Variants in LIPC observed in about 807,000 individuals in gnomAD.
LIPC encodes lipase C, hepatic type, also known as hepatic triacylglycerol lipase.
Under a neutral mutation model 50.7 loss-of-function variants are expected in LIPC, and 44 were observed. The ratio of observed to expected loss-of-function variants is 0.87; its 90% CI spans 0.68 to 1.11. LIPC has a LOEUF of 1.11. LIPC is among the 50% of genes most tolerant of loss of function. LIPC has a pLI of 0.00. For missense variants in LIPC, 697 were observed against 648.2 expected (o/e 1.08, Z -0.82); for synonymous variants, 271 against 256.4 (o/e 1.06, Z -0.54).
intron 1 of LIPC, among the ~76,000 whole-genome samples, chr15:58,532,520 C>T (rs942890099): frequency 1.1e-4 from 17 of 152,274 alleles, no homozygotes; most frequent in African/African-American, 3.9e-4. Flanking sequence ...AGCAAAAGCC[C>T]CCCTACACAC....
At chr15:58,519,404 C>T (rs1243922958) in intron 1 of LIPC, among the ~76,000 whole-genome samples, 4 of 93,118 alleles carry the variant, frequency 4.3e-5, no homozygotes, top group Non-Finnish European at 6.5e-5. Context: ...CAGAGAGACT[C>T]TGTCTCAAAA....
intron 1 of LIPC, among the ~76,000 whole-genome samples, chr15:58,452,845 C>G (rs759838727): frequency 1.3e-5 from 2 of 152,166 alleles, no homozygotes; most frequent in Non-Finnish European, 2.9e-5. Context: ...CTGGGGGACA[C>G]AGAGGTCCTC....
chr15:58,555,031 C>T (rs1308380794), intron 6 of LIPC, among the ~76,000 whole-genome samples: 1 of 152,168 alleles, frequency 6.6e-6, no homozygotes, highest in African/African-American at 2.4e-5. Context: ...GTTCCATCCT[C>T]CTGCAGAGAT....
intron 1 of LIPC, chr15:58,521,227 A>G (rs1892642498): frequency 6.6e-6 from 1 of 152,252 alleles, no homozygotes; most frequent in Non-Finnish European, 1.5e-5. Flanking sequence ...TAGGAAGGGC[A>G]GAAAATGAAT....
chr15:58,468,563 A>G (rs1484002158), intron 1 of LIPC, among the ~76,000 whole-genome samples: 1 of 152,212 alleles, frequency 6.6e-6, no homozygotes, highest in Admixed American at 6.5e-5. Context: ...ACAAATCTCA[A>G]TGTGATTCCT....
intron 1 of LIPC, among the ~76,000 whole-genome samples, chr15:58,462,253 C>T (rs543420006): frequency 1.1e-4 from 17 of 152,278 alleles, no homozygotes; most frequent in African/African-American, 4.1e-4. Context: ...CTGTTTGCAG[C>T]ACATGGCATA....
At chr15:58,516,487 C>T (rs777761888) in intron 1 of LIPC, among the ~76,000 whole-genome samples, 9 of 151,872 alleles carry the variant, frequency 5.9e-5, no homozygotes, top group East Asian at 1.9e-4. Flanking sequence ...TAAAATTGCC[C>T]GACAGCTCCC....
In LIPC at chr15:58,452,849, G is replaced by A. The variant is rs557303564; in HGVS notation, c.88+20729G>A. 7.2e-5 allele frequency among the ~76,000 whole-genome samples: 11 copies of A among 152,316 alleles called. No homozygotes were observed. In the East Asian group the frequency reaches 1.9e-3, roughly 27 times the overall value. On this transcript the variant is annotated intron_variant, in intron 1 of 8. Coordinates refer to ENST00000299022, the MANE Select transcript of LIPC (RefSeq NM_000236.3). ...TGAGGGTACAGCTGGGGGACACAGA[G>A]GTCCTCATCTCTTGTGAGTGGTCTG...
At chr15:58,542,506 C>T (rs1184926874) in intron 3 of LIPC, 28 bp from the exon 4 acceptor site, 1 of 1,465,416 alleles carries the variant, frequency 6.8e-7, no homozygotes, top group East Asian at 2.3e-5. Flanking sequence ...AGCTCTTCTC[C>T]TGCCCCCATC....
intron 4 of LIPC, among the ~76,000 whole-genome samples, chr15:58,544,867 G>C (rs1342410327): frequency 1.3e-5 from 2 of 152,124 alleles, no homozygotes; most frequent in Non-Finnish European, 2.9e-5. Flanking sequence ...AAAACTTGGA[G>C]CGCATAAATA....
chr15:58,561,208 G>T (rs1595956262), intron 7 of LIPC, among the ~76,000 whole-genome samples: 1 of 152,170 alleles, frequency 6.6e-6, no homozygotes, highest in African/African-American at 2.4e-5. Flanking sequence ...TATCCAAGGT[G>T]GTCAGGCTAC....
intron 1 of LIPC, among the ~76,000 whole-genome samples, chr15:58,460,794 G>C (rs1436768514): frequency 6.6e-6 from 1 of 152,206 alleles, no homozygotes; most frequent in Non-Finnish European, 1.5e-5. Flanking sequence ...GCGAGAATGG[G>C]AAGTCAGGAG....
chr15:58,529,938 A>G (rs545210718), intron 1 of LIPC, among the ~76,000 whole-genome samples: 2 of 152,246 alleles, frequency 1.3e-5, no homozygotes, highest in Non-Finnish European at 2.9e-5. Flanking sequence ...TTTCCAACAC[A>G]TCGTAAAAGA....
chr15:58,511,384 T>C (rs1329848053), intron 1 of LIPC, among the ~76,000 whole-genome samples: 1 of 152,110 alleles, frequency 6.6e-6, no homozygotes, highest in Non-Finnish European at 1.5e-5. Context: ...AGGCAATAAA[T>C]CATTCCATTG....
intron 1 of LIPC, among the ~76,000 whole-genome samples, chr15:58,464,656 T>C (rs2140719860): frequency 6.6e-6 from 1 of 152,286 alleles, no homozygotes; most frequent in South Asian, 2.1e-4. Context: ...TCTAGAAATT[T>C]CAGTGGCTTG....
At chr15:58,494,542 T>C (rs778323768) in intron 1 of LIPC, among the ~76,000 whole-genome samples, 8 of 152,254 alleles carry the variant, frequency 5.3e-5, no homozygotes, top group Non-Finnish European at 7.3e-5. Flanking sequence ...GGAAGTATGC[T>C]GCAGATATAA....
At chr15:58,472,107 G>T (rs554462647) in intron 1 of LIPC, among the ~76,000 whole-genome samples, 2 of 150,184 alleles carry the variant, frequency 1.3e-5, no homozygotes, top group Non-Finnish European at 1.5e-5. Context: ...CCATCTCTAC[G>T]AAAAATACAA....
chr15:58,434,442 A>C, intron 1 of LIPC, among the ~76,000 whole-genome samples: 1 of 152,184 alleles, frequency 6.6e-6, no homozygotes. Context: ...ATGGTTGAGT[A>C]AGCTGGCAGT....
At chr15:58,471,333 G>GC (rs1894796463) in intron 1 of LIPC, among the ~76,000 whole-genome samples, 1 of 138,060 alleles carries the variant, frequency 7.2e-6, no homozygotes, top group Non-Finnish European at 1.6e-5. Context: ...AGAGATGGGG[G>GC]GGGGTGGTCT....
Sources: allele counts gnomAD v4.1 joint callset (sites outside exome capture counted in the v4.1 genomes callset), GRCh38; gene constraint gnomAD v4.1.1; transcripts MANE v1.5; gene names NCBI Gene and HGNC (gene_info 2026-07-23, HGNC 2026-07-21).